The following ZBTB44 variants were observed in gnomAD, a reference collection of about 807,000 sequenced individuals.
The protein encoded by ZBTB44 is zinc finger and BTB domain-containing protein 44.
In ZBTB44, 15 loss-of-function variants were observed where a neutral mutation model predicts 54.0. The ratio of observed to expected loss-of-function variants is 0.28; its 90% CI spans 0.19 to 0.43. ZBTB44 has a LOEUF of 0.43. Among genes scored for constraint, ZBTB44 ranks in the 20% least tolerant of loss-of-function variants. The pLI, the probability that ZBTB44 is intolerant of heterozygous loss-of-function variation, is 1.00. For synonymous variants in ZBTB44, 230 were observed against 250.1 expected (o/e 0.92, Z 0.76); for missense variants, 487 against 707.1 (o/e 0.69, Z 3.53).
chr11:130,298,653 G>GTA (rs1211094638), intron 1 of ZBTB44, among the ~76,000 whole-genome samples: 2 of 151,308 alleles, frequency 1.3e-5, no homozygotes, highest in Non-Finnish European at 2.9e-5. Flanking sequence ...AGTAGAGACG[G>GTA]AGTTTCACCA....
At chr11:130,237,153 C>T in intron 4 of ZBTB44, 60 bp from the exon 5 acceptor site, 1 of 1,380,890 alleles carries the variant, frequency 7.2e-7, no homozygotes, top group Non-Finnish European at 9.5e-7. Context: ...GTCATAAACC[C>T]TACAAATTTC....
At chr11:130,287,978 AAAG>A (rs1331332003) in intron 1 of ZBTB44, among the ~76,000 whole-genome samples, 1 of 151,522 alleles carries the variant, frequency 6.6e-6, no homozygotes, top group African/African-American at 2.4e-5. Flanking sequence ...AAAAAAAAAA[AAAG>A]AAAGAAAAAG....
intron 1 of ZBTB44, among the ~76,000 whole-genome samples, chr11:130,292,509 GA>G (rs1191988134): frequency 1.3e-5 from 2 of 151,764 alleles, no homozygotes; most frequent in East Asian, 1.9e-4. Context: ...AAGATCATAA[GA>G]AAAAAATTAA....
chr11:130,236,299 A>C, intron 5 of ZBTB44: 5 of 1,241,774 alleles, frequency 4.0e-6, no homozygotes, highest in Non-Finnish European at 5.2e-6. Context: ...CAATGACTTC[A>C]TGATCTAAAC....
chr11:130,291,955 A>G (rs1226167916), intron 1 of ZBTB44, among the ~76,000 whole-genome samples: 1 of 152,228 alleles, frequency 6.6e-6, no homozygotes, highest in African/African-American at 2.4e-5. Flanking sequence ...CTTGCCAGGA[A>G]TTATCAATGT....
At chr11:130,274,901 C>T (rs1282620775) in intron 1 of ZBTB44, among the ~76,000 whole-genome samples, 2 of 152,108 alleles carry the variant, frequency 1.3e-5, no homozygotes, top group Non-Finnish European at 2.9e-5. Context: ...AGTTCCCTCC[C>T]CTCCCGTTTT....
intron 1 of ZBTB44, among the ~76,000 whole-genome samples, chr11:130,273,743 T>A (rs1455856281): frequency 6.6e-6 from 1 of 152,152 alleles, no homozygotes; most frequent in Non-Finnish European, 1.5e-5. Context: ...TTCCTTACGA[T>A]TTTCTATAAA....
intron 1 of ZBTB44, among the ~76,000 whole-genome samples, chr11:130,268,043 T>G (rs1324996680): frequency 6.9e-6 from 1 of 145,762 alleles, no homozygotes; most frequent in Admixed American, 7.0e-5. Context: ...CACTCCAGAC[T>G]GGGTGACAGA....
intron 1 of ZBTB44, among the ~76,000 whole-genome samples, chr11:130,276,890 C>G (rs577377951): frequency 6.6e-6 from 1 of 152,190 alleles, no homozygotes; most frequent in Admixed American, 6.5e-5. Context: ...CCCTTTTATC[C>G]TTATAAAACG....
At chr11:130,251,464 C>T (rs1397819137) in intron 2 of ZBTB44, among the ~76,000 whole-genome samples, 3 of 152,026 alleles carry the variant, frequency 2.0e-5, no homozygotes, top group East Asian at 3.9e-4. Flanking sequence ...AGATACTCCT[C>T]GAGAATAGCA....
chr11:130,302,897 C>G (rs1942062140), intron 1 of ZBTB44, among the ~76,000 whole-genome samples: 1 of 151,924 alleles, frequency 6.6e-6, no homozygotes, highest in Admixed American at 6.6e-5. Context: ...ATCTCTTGAA[C>G]CTGGAAAGTG....
intron 1 of ZBTB44, among the ~76,000 whole-genome samples, chr11:130,268,602 A>C (rs1437470309): frequency 1.3e-5 from 2 of 152,066 alleles, no homozygotes; most frequent in Non-Finnish European, 2.9e-5. Flanking sequence ...ATTTTGAGAC[A>C]GAGTCTCACT....
chr11:130,292,090 G>GT (rs1175630521), intron 1 of ZBTB44, among the ~76,000 whole-genome samples: 2 of 152,128 alleles, frequency 1.3e-5, no homozygotes, highest in East Asian at 1.9e-4. Flanking sequence ...GCTGTTGAGC[G>GT]TAAGGATTTT....
At chr11:130,313,222 G>T (rs138099544) in intron 1 of ZBTB44, among the ~76,000 whole-genome samples, 1 of 152,204 alleles carries the variant, frequency 6.6e-6, no homozygotes, top group African/African-American at 2.4e-5. Flanking sequence ...GTAATTCTTC[G>T]TATCACTAAG....
At chr11:130,286,767 C>T (rs1013093283) in intron 1 of ZBTB44, among the ~76,000 whole-genome samples, 5 of 152,184 alleles carry the variant, frequency 3.3e-5, no homozygotes, top group African/African-American at 1.2e-4. Flanking sequence ...GACAGACCTG[C>T]ATGTTAATCA....
intron 1 of ZBTB44, chr11:130,295,726 C>T: frequency 2.0e-6 from 3 of 1,528,654 alleles, no homozygotes; most frequent in Non-Finnish European, 2.7e-6. Flanking sequence ...GCTGCAAAAA[C>T]AGGCAGTGGT....
chr11:130,307,368 T>C (rs954740872), intron 1 of ZBTB44, among the ~76,000 whole-genome samples: 4 of 149,516 alleles, frequency 2.7e-5, no homozygotes, highest in Non-Finnish European at 5.9e-5. Flanking sequence ...AAGCTTGCAG[T>C]GAGCTGAGAT....
chr11:130,277,894 G>C (rs1217234329), intron 1 of ZBTB44, among the ~76,000 whole-genome samples: 1 of 152,110 alleles, frequency 6.6e-6, no homozygotes, highest in East Asian at 1.9e-4. Flanking sequence ...TTGGTTGACA[G>C]TTTTCTTCCC....
Position 130,235,581 on chromosome 11 carries a change from C to T in ZBTB44, c.1568+1212G>A, listed in dbSNP as rs370250094. On this transcript the variant is annotated intron_variant, in intron 5 of 7. Coordinates refer to ENST00000357899, the MANE Select transcript of ZBTB44 (RefSeq NM_001301098.2). ...GGAGAACTGCTTGACCTCAGGAGTT[C>T]GAGGCTGCAGTGCACTATGATTGTG... is the stretch of plus-strand genomic sequence containing the variant. Among the ~76,000 whole-genome samples the T allele has an allele frequency of 9.2e-4, 140 of 151,844 alleles. 2 individuals carry two copies. The highest frequency in any genetic ancestry group is 7.9e-3 in the Admixed American group (121 of 15,236).
Sources: allele counts gnomAD v4.1 joint callset (sites outside exome capture counted in the v4.1 genomes callset), GRCh38; gene constraint gnomAD v4.1.1; transcripts MANE v1.5; gene names NCBI Gene and HGNC (gene_info 2026-07-23, HGNC 2026-07-21).